Variants in CCSAP observed in about 807,000 individuals in gnomAD.
The protein encoded by CCSAP is centriole, cilia and spindle-associated protein.
CCSAP carries 17 observed loss-of-function variants against 25.9 expected under a neutral mutation model. That is an observed-to-expected ratio of 0.66 (90% CI 0.45 to 0.99). The LOEUF (loss-of-function observed/expected upper bound fraction) is 0.99. Among genes scored for constraint, CCSAP ranks in the 50% least tolerant of loss-of-function variants. The pLI, the probability that CCSAP is intolerant of heterozygous loss-of-function variation, is 0.00. For synonymous variants in CCSAP, 169 were observed against 157.1 expected, an observed-to-expected ratio of 1.08 and a Z score of -0.57; for missense variants, 339 against 367.8, an observed-to-expected ratio of 0.92 and a Z score of 0.64.
chr1:229,336,885 C>T (rs1558252110), intron 2 of CCSAP, among the ~76,000 whole-genome samples: 2 of 151,604 alleles, frequency 1.3e-5, no homozygotes, highest in African/African-American at 4.9e-5. Context: ...TAGATGATCT[C>T]TTGGGAATTT....
intron 2 of CCSAP, among the ~76,000 whole-genome samples, chr1:229,335,456 C>T (rs1177235120): frequency 6.6e-6 from 1 of 152,194 alleles, no homozygotes; most frequent in Non-Finnish European, 1.5e-5. Context: ...ATAATATGGA[C>T]GTGCTCTGTT....
intron 2 of CCSAP, among the ~76,000 whole-genome samples, chr1:229,333,208 A>C (rs199594768): frequency 2.0e-5 from 3 of 151,606 alleles, no homozygotes; most frequent in African/African-American, 7.3e-5. Flanking sequence ...CAAGGCGGGC[A>C]GATCACGAGG....
At chr1:229,337,678 A>AAAAAAAAAAAAAAAAAAATATAT in intron 2 of CCSAP, among the ~76,000 whole-genome samples, 1 of 65,514 alleles carries the variant, frequency 1.5e-5, no homozygotes, top group African/African-American at 6.0e-5. Flanking sequence ...CTCAAAAAAA[A>AAAAAAAAAAAAAAAAAAATATAT]ATATATATAT....
intron 2 of CCSAP, among the ~76,000 whole-genome samples, chr1:229,335,857 G>A (rs1361970254): frequency 6.6e-6 from 1 of 152,096 alleles, no homozygotes; most frequent in Non-Finnish European, 1.5e-5. Context: ...CAGCAGGCTG[G>A]GGGCCTCCGT....
chr1:229,330,459 G>GA (rs1658040813), intron 2 of CCSAP, among the ~76,000 whole-genome samples: 1 of 152,230 alleles, frequency 6.6e-6, no homozygotes, highest in Non-Finnish European at 1.5e-5. Flanking sequence ...CACAGGCAAA[G>GA]AAAGGAGAAC....
chr1:229,342,091 C>A lies in CCSAP; in HGVS notation c.367+8G>T. On this transcript the variant is annotated splice_region_variant and intron_variant, in intron 2 of 3. Coordinates refer to ENST00000284617, the MANE Select transcript of CCSAP (RefSeq NM_145257.5). This position sits in a 1 kb window ranked among gnomAD's most constrained non-coding sequence, Gnocchi z 7.5. ...CAGGCCCCTCGCGCTCCCCTCCGGG[C>A]CGGGTACCTGGCAGAGCCGCGTCCT... The A allele has an allele frequency of 7.5e-7, 1 of 1,338,338 alleles. No homozygotes were observed. The highest frequency in any genetic ancestry group is 2.3e-5 in the South Asian group (1 of 43,792). 82.9% of individuals were successfully genotyped at this position (1,338,338 alleles called of 1,614,324 possible).
intron 2 of CCSAP, chr1:229,340,270 G>A (rs1658299648): frequency 4.7e-6 from 3 of 633,438 alleles, no homozygotes; most frequent in South Asian, 1.9e-5. Flanking sequence ...AAGATGCTGC[G>A]ATTGAGTCCT....
At position 229,327,588 on chromosome 1, in the gene CCSAP, G is replaced by A. The variant is rs148772313; in HGVS notation, c.368-582C>T. The A allele has an allele frequency of 9.2e-5, 42 of 455,950 alleles. No homozygotes were observed. The East Asian group carries it at 1.5e-3, about 16-fold the overall frequency. 28.2% of individuals were successfully genotyped at this position (455,950 alleles called of 1,614,324 possible). The stretch of plus-strand genomic sequence containing the variant: ...GGGAAGAGTTAAAAATGAGGGCCCC[G>A]GCCGGGTGCGGTGGCTCACACCTGT... On this transcript the variant is annotated intron_variant, in intron 2 of 3. Transcript: ENST00000284617.
In CCSAP at chr1:229,321,598, G is replaced by A. The variant is rs1210606530; in HGVS notation, c.*3637C>T. On this transcript the variant is annotated 3_prime_UTR_variant, in exon 4 of 4. Transcript: ENST00000284617. ...GTTAGGTATTAAGTTTGATACCAAA[G>A]CAACTATAGCATCAAGCTACATAAA... The A allele has an allele frequency of 6.6e-6, 1 of 152,136 alleles. No individual in the cohort carries two copies. The highest frequency in any genetic ancestry group is 1.5e-5 in the Non-Finnish European group (1 of 68,020). 9.4% of individuals were successfully genotyped at this position (152,136 alleles called of 1,614,324 possible). A position where few individuals can be genotyped will look rare whatever the true frequency, so the allele number is the denominator to read the frequency against.
At chr1:229,333,615 C>CA (rs1658133631) in intron 2 of CCSAP, among the ~76,000 whole-genome samples, 1 of 152,046 alleles carries the variant, frequency 6.6e-6, no homozygotes, top group African/African-American at 2.4e-5. Context: ...CGCAGTGGCT[C>CA]AAGCCTGTAA....
In CCSAP at chr1:229,331,565, T is replaced by C. The variant is rs1281311227; in HGVS notation, c.368-4559A>G. Among the ~76,000 whole-genome samples, 6 of 152,038 alleles carry C rather than the reference T, an allele frequency of 3.9e-5. No individual in the cohort carries two copies. In the South Asian group the frequency reaches 8.3e-4, roughly 21 times the overall value. On this transcript the variant is annotated intron_variant, in intron 2 of 3. Transcript: ENST00000284617. ...TAGCCCCTGTTCCAGTCTTTTGTTA[T>C]AATGTTGGGTGTGTTAAACCTCAGG...
Position 229,326,837 on chromosome 1 carries a change from TTC to T in CCSAP, c.535_536del (p.Glu179LysfsTer36), listed in dbSNP as rs1657951403. On this transcript the variant is annotated frameshift_variant, in exon 3 of 4. Coordinates refer to ENST00000284617, the MANE Select transcript of CCSAP (RefSeq NM_145257.5). LOFTEE classifies it high-confidence loss of function. ...CATAAAGAGCAAATGGATGCTTGTT[TTC>T]TTTTATTTTACTCGATGATCTTTGG... Reference protein sequence around the residue: ...SPQRSSSKIKENKHPFALYGW... With the variant: ...SPQRSSSKIKXNKHPFALYGW... The T allele has an allele frequency of 6.2e-7, 1 of 1,614,086 alleles. No homozygotes were observed. The highest frequency in any genetic ancestry group is 1.3e-5 in the African/African-American group (1 of 74,940).
intron 2 of CCSAP, among the ~76,000 whole-genome samples, chr1:229,337,678 A>AAAATATATAT: frequency 1.5e-4 from 10 of 65,508 alleles, no homozygotes; most frequent in South Asian, 4.0e-4. Context: ...CTCAAAAAAA[A>AAAATATATAT]ATATATATAT....
At chr1:229,337,706 C>CGTATATAT (rs1658227393) in intron 2 of CCSAP, among the ~76,000 whole-genome samples, 1 of 88,626 alleles carries the variant, frequency 1.1e-5, no homozygotes, top group African/African-American at 4.7e-5. Context: ...TATACACATA[C>CGTATATAT]ATATATATAT....
At position 229,341,240 on chromosome 1, in the gene CCSAP, G is replaced by A. The variant is rs1017048370; in HGVS notation, c.367+859C>T. Among the ~76,000 whole-genome samples, 38 of 148,432 alleles carry A rather than the reference G, an allele frequency of 2.6e-4. 1 individual carries two copies. The highest frequency in any genetic ancestry group is 8.4e-4 in the African/African-American group (34 of 40,348). On this transcript the variant is annotated intron_variant, in intron 2 of 3. Transcript: ENST00000284617. Reference sequence around the variant, plus strand: ...TTACAACATGGTCTCTTTTGGGATTGTTTTGAATATTAAATGACAACATAC... The same window carrying A: ...TTACAACATGGTCTCTTTTGGGATTATTTTGAATATTAAATGACAACATAC...
Position 229,342,671 on chromosome 1 carries a change from C to G in CCSAP, c.-48-158G>C, listed in dbSNP as rs1284180906. On this transcript the variant is annotated intron_variant, in intron 1 of 3. Transcript: ENST00000284617. The surrounding 1 kb of genome is among the most constrained non-coding windows in gnomAD (Gnocchi z 7.5). ...GGCGGGGGCGGCCTCACCCGGCGGC[C>G]GGGACCAAGAGCAGAGGCGGGGACC... Among the ~76,000 whole-genome samples, 1 of 151,906 alleles carries G rather than the reference C, an allele frequency of 6.6e-6. No individual in the cohort carries two copies. Among genetic ancestry groups the G allele is most frequent in the Non-Finnish European group, 1.5e-5 (1 of 67,932 alleles).
chr1:229,336,492 A>G (rs1488605426), intron 2 of CCSAP, among the ~76,000 whole-genome samples: 1 of 152,172 alleles, frequency 6.6e-6, no homozygotes, highest in Non-Finnish European at 1.5e-5. Flanking sequence ...CCCATGAGAC[A>G]GGAGACTGCA....
chr1:229,340,633 G>A (rs1312106092), intron 2 of CCSAP: 1 of 483,462 alleles, frequency 2.1e-6, no homozygotes, highest in Non-Finnish European at 3.7e-6. Flanking sequence ...ATTTCTAGCA[G>A]TGATCACTGA....
rs1228373759 is a variant in CCSAP, at chr1:229,325,310, G to A, written c.738C>T (p.Asn246=). The change falls in exon 4 of 4, where the codon AAC becomes AAT. Residue 246 remains asparagine (N), a synonymous_variant. Transcript: ENST00000284617. ...QRAHSVDVEK[N]RKMKASSSEN... is the part of the protein sequence containing the mutation. ...CTGAGGAGGAAGCCTTCATCTTTCTGTTCTTCTCCACATCCACAGAGTGAG... is the reference window on the plus strand; with the variant it reads ...CTGAGGAGGAAGCCTTCATCTTTCTATTCTTCTCCACATCCACAGAGTGAG... The A allele has an allele frequency of 1.2e-6, 2 of 1,614,066 alleles. No individual in the cohort carries two copies. Among genetic ancestry groups the A allele is most frequent in the Non-Finnish European group, 1.7e-6 (2 of 1,180,026 alleles).
Sources: gnomAD v4.1 joint callset for allele counts (sites outside exome capture counted in the v4.1 genomes callset) on GRCh38, gnomAD v4.1.1 for gene constraint, Gnocchi (gnomAD v3.1) non-coding constraint, MANE v1.5 for transcripts, NCBI Gene and HGNC (gene_info 2026-07-23, HGNC 2026-07-21) for gene names.